CNOT10: variants seen among roughly 807,000 people sequenced by gnomAD.
CNOT10 encodes CCR4-NOT transcription complex subunit 10, also known as CCR4-NOT transcription complex, subunit 10.
Under a neutral mutation model 94.6 loss-of-function variants are expected in CNOT10, and 30 were observed. The ratio of observed to expected loss-of-function variants is 0.32; its 90% CI spans 0.24 to 0.43. CNOT10 has a LOEUF of 0.43. CNOT10 is among the 20% of genes least tolerant of loss of function. CNOT10 has a pLI of 1.00. For synonymous variants in CNOT10, 289 were observed against 301.6 expected (o/e 0.96, Z 0.43); for missense variants, 759 against 877.2 (o/e 0.87, Z 1.70).
At chr3:32,760,230 A>C (rs899194152) in intron 14 of CNOT10, among the ~76,000 whole-genome samples, 1 of 152,070 alleles carries the variant, frequency 6.6e-6, no homozygotes, top group Non-Finnish European at 1.5e-5. Context: ...AAGCTACTGT[A>C]TCATTCCAGA....
intron 15 of CNOT10, among the ~76,000 whole-genome samples, chr3:32,763,653 A>G (rs1410403604): frequency 1.4e-5 from 2 of 148,040 alleles, no homozygotes; most frequent in African/African-American, 2.5e-5. Context: ...CTGTCTGAAG[A>G]AAAAAAAAAA....
At chr3:32,688,944 G>A (rs183786291) in intron 1 of CNOT10, among the ~76,000 whole-genome samples, 50 of 152,150 alleles carry the variant, frequency 3.3e-4, no homozygotes, top group African/African-American at 1.0e-3. Flanking sequence ...GGTGGCTCAC[G>A]CCTGTAATCC....
intron 1 of CNOT10, among the ~76,000 whole-genome samples, chr3:32,694,488 C>G (rs1266762586): frequency 6.6e-6 from 1 of 152,114 alleles, no homozygotes; most frequent in African/African-American, 2.4e-5. Flanking sequence ...AAAACTCCTC[C>G]TCTTAGATGT....
At position 32,769,824 on chromosome 3, in the gene CNOT10, G is replaced by A. The variant is rs1418544685; in HGVS notation, c.2005-63G>A. On this transcript the variant is annotated intron_variant, in intron 17 of 18. Transcript: ENST00000328834. ...TTTGTTACCTTGTTGGTTGGCAGAT[G>A]TACTTGGAGTGTGTATCTTAAGCTT... 5 of 1,276,902 alleles carry A rather than the reference G, an allele frequency of 3.9e-6. No individual in the cohort carries two copies. The African/African-American group carries it at 4.4e-5, about 11-fold the overall frequency. 79.1% of individuals were successfully genotyped at this position (1,276,902 alleles called of 1,614,324 possible).
chr3:32,717,659 A>T (rs113734680), intron 7 of CNOT10, among the ~76,000 whole-genome samples: 12 of 152,118 alleles, frequency 7.9e-5, no homozygotes, highest in African/African-American at 2.9e-4. Context: ...TGAGGTCAGG[A>T]GTTCAAGACC....
chr3:32,702,604 G>A (rs919213290), intron 1 of CNOT10, among the ~76,000 whole-genome samples: 1 of 152,170 alleles, frequency 6.6e-6, no homozygotes, highest in Non-Finnish European at 1.5e-5. Flanking sequence ...CCTTATCAGT[G>A]TAGTTTTCTG....
intron 1 of CNOT10, among the ~76,000 whole-genome samples, chr3:32,701,733 G>GT (rs1276155812): frequency 6.6e-6 from 1 of 152,168 alleles, no homozygotes; most frequent in Non-Finnish European, 1.5e-5. Context: ...TGTACAGCCT[G>GT]TGGAACCATA....
At chr3:32,747,465 C>T (rs991799651) in intron 13 of CNOT10, among the ~76,000 whole-genome samples, 4 of 151,714 alleles carry the variant, frequency 2.6e-5, no homozygotes, top group East Asian at 3.9e-4. Flanking sequence ...AATAATTTTA[C>T]GTGTTTCTTT....
intron 3 of CNOT10, among the ~76,000 whole-genome samples, chr3:32,708,176 G>T (rs776731976): frequency 1.3e-5 from 2 of 152,218 alleles, no homozygotes; most frequent in Non-Finnish European, 2.9e-5. Flanking sequence ...GGGATTACAG[G>T]CATGAGCTGC....
chr3:32,730,178 C>G (rs1217985867), intron 10 of CNOT10, among the ~76,000 whole-genome samples: 1 of 151,940 alleles, frequency 6.6e-6, no homozygotes, highest in African/African-American at 2.4e-5. Flanking sequence ...TACTGGAAAC[C>G]AGGGAGTTAC....
chr3:32,756,234 A>G (rs1015756428), intron 13 of CNOT10, among the ~76,000 whole-genome samples: 1 of 152,190 alleles, frequency 6.6e-6, no homozygotes, highest in Non-Finnish European at 1.5e-5. Context: ...CTTAATCCTG[A>G]TGGCTCTTAA....
chr3:32,695,228 A>G (rs926292213), intron 1 of CNOT10, among the ~76,000 whole-genome samples: 1 of 152,198 alleles, frequency 6.6e-6, no homozygotes, highest in African/African-American at 2.4e-5. Flanking sequence ...AGTCAAGTAT[A>G]CTTGTTCAGA....
chr3:32,691,059 G>C (rs1297084137), intron 1 of CNOT10, among the ~76,000 whole-genome samples: 1 of 138,448 alleles, frequency 7.2e-6, no homozygotes, highest in Admixed American at 7.7e-5. Flanking sequence ...GCAGTGGTAC[G>C]ATCTTTGCTC....
At chr3:32,717,387 C>T (rs1297225962) in intron 7 of CNOT10, 150 bp downstream of exon 7, 38 of 475,198 alleles carry the variant, frequency 8.0e-5, no homozygotes, top group Non-Finnish European at 3.7e-6. Context: ...AGTAATAATA[C>T]TGTGTCTATA....
chr3:32,771,519 G>A (rs1700905588), intron 18 of CNOT10, among the ~76,000 whole-genome samples: 1 of 152,084 alleles, frequency 6.6e-6, no homozygotes, highest in Non-Finnish European at 1.5e-5. Flanking sequence ...AGAATCGCTT[G>A]AGCCTGGGAG....
chr3:32,756,975 G>T (rs992788100), intron 13 of CNOT10, among the ~76,000 whole-genome samples: 5 of 151,424 alleles, frequency 3.3e-5, no homozygotes, highest in Non-Finnish European at 7.4e-5. Flanking sequence ...GCATGGTGGC[G>T]GGCACCTGTA....
At chr3:32,734,083 A>G (rs941139257) in intron 11 of CNOT10, among the ~76,000 whole-genome samples, 1 of 152,192 alleles carries the variant, frequency 6.6e-6, no homozygotes, top group Non-Finnish European at 1.5e-5. Flanking sequence ...TGTTTTTGTC[A>G]AAGAAGAAAA....
Position 32,762,733 on chromosome 3 carries a change from GT to G in CNOT10, c.1715del (p.Leu572TrpfsTer23). 1 of 1,582,206 alleles carries G rather than the reference GT, an allele frequency of 6.3e-7. No homozygotes were observed. The highest frequency in any genetic ancestry group is 1.2e-5 in the South Asian group (1 of 83,930). On this transcript the variant is annotated frameshift_variant and splice_region_variant, in exon 15 of 19. Transcript: ENST00000328834. LOFTEE classifies it high-confidence loss of function. The stretch of plus-strand genomic sequence containing the variant: ...TTTGGAATCTGTTTTTTCATTTTAG[GT>G]TTTTGGGACATTTATATGCTGCAGA... ...QQPKLSGSLK[F>X]LGHLYAAEAL...
At chr3:32,729,383 T>TA (rs1390731605) in intron 10 of CNOT10, among the ~76,000 whole-genome samples, 2 of 152,200 alleles carry the variant, frequency 1.3e-5, no homozygotes, top group African/African-American at 4.8e-5. Flanking sequence ...AATTACCAGA[T>TA]ATGTGTGTCT....
Sources: gnomAD v4.1 joint callset for allele counts (sites outside exome capture counted in the v4.1 genomes callset) on GRCh38, gnomAD v4.1.1 for gene constraint, MANE v1.5 for transcripts, NCBI Gene and HGNC (gene_info 2026-07-23, HGNC 2026-07-21) for gene names.